The following TSPAN7 variants were observed in gnomAD, a reference collection of about 807,000 sequenced individuals.
TSPAN7 encodes tetraspanin-7.
In TSPAN7, 1 loss-of-function variant was observed where a neutral mutation model predicts 17.6. That is an observed-to-expected ratio of 0.06 (90% CI 0.02 to 0.27). The LOEUF (loss-of-function observed/expected upper bound fraction) is 0.27. Ranked by LOEUF, TSPAN7 falls within the 10% of genes least tolerant of loss-of-function variation. The pLI, the probability that TSPAN7 is intolerant of heterozygous loss-of-function variation, is 1.00. For missense variants in TSPAN7, 112 were observed against 201.7 expected (o/e 0.56, Z 2.69); for synonymous variants, 78 against 79.0 (o/e 0.99, Z 0.07).
chrX:38,573,162 A>G (rs142600943), intron 1 of TSPAN7, among the ~76,000 whole-genome samples: 32 of 111,920 alleles, frequency 2.9e-4, no homozygotes, highest in African/African-American at 8.7e-4. Flanking sequence ...TTTCTTGTAC[A>G]TGGGAGGTAC....
At chrX:38,687,713 C>A in intron 7 of TSPAN7, 39 bp downstream of exon 7, 1 of 1,121,434 alleles carries the variant, frequency 8.9e-7, no homozygotes, top group Non-Finnish European at 1.2e-6. Flanking sequence ...TGAGGGGTCC[C>A]CTTTGGGACA....
chrX:38,659,984 A>G (rs1453487259), intron 1 of TSPAN7, among the ~76,000 whole-genome samples: 1 of 107,696 alleles, frequency 9.3e-6, no homozygotes, highest in African/African-American at 3.4e-5. Flanking sequence ...GCACCACCAC[A>G]GCCGGCTAAT....
intron 1 of TSPAN7, among the ~76,000 whole-genome samples, chrX:38,635,900 C>T (rs1320406639): frequency 9.0e-6 from 1 of 111,248 alleles, no homozygotes; most frequent in East Asian, 2.8e-4. Flanking sequence ...GGCCATGGTT[C>T]TGAGTGGCCC....
chrX:38,628,465 C>T lies in TSPAN7; in HGVS notation c.82-37656C>T, dbSNP rs774710194. On this transcript the variant is annotated intron_variant, in intron 1 of 7. Coordinates refer to ENST00000378482, the MANE Select transcript of TSPAN7 (RefSeq NM_004615.4). The stretch of plus-strand genomic sequence containing the variant: ...TACTGAGCAGGGAAAGAGTCCTTAC[C>T]GGTGCATAGTGGGCAGAGTATAGTA... Among the ~76,000 whole-genome samples the T allele has an allele frequency of 2.0e-4, 22 of 111,621 alleles. No individual in the cohort carries two copies. In the East Asian group the frequency reaches 4.8e-3, roughly 24 times the overall value.
intron 2 of TSPAN7, among the ~76,000 whole-genome samples, chrX:38,666,913 A>G (rs1309070980): frequency 1.8e-5 from 2 of 111,900 alleles, no homozygotes; most frequent in African/African-American, 6.5e-5. Context: ...CCCTGTTTCA[A>G]TTTTGAACTA....
At chrX:38,642,641 A>C (rs990654928) in intron 1 of TSPAN7, among the ~76,000 whole-genome samples, 2 of 112,158 alleles carry the variant, frequency 1.8e-5, no homozygotes, top group African/African-American at 6.5e-5. Context: ...GCACATGTAA[A>C]TGATTAAGAT....
At chrX:38,562,525 C>G (rs1292895555) in intron 1 of TSPAN7, among the ~76,000 whole-genome samples, 1 of 93,049 alleles carries the variant, frequency 1.1e-5, no homozygotes, top group South Asian at 6.0e-4. Context: ...TGGTGCACCT[C>G]GCGGAGGGAT....
rs182984065 is a variant in TSPAN7, at chrX:38,612,446, G to A, written c.81+50819G>A. The A allele has an allele frequency of 4.9e-3, 547 of 111,790 alleles. 3 individuals carry two copies. The highest frequency in any genetic ancestry group is 8.9e-3 in the Non-Finnish European group (475 of 53,172). 9.2% of individuals were successfully genotyped at this position (111,790 alleles called of 1,213,427 possible). ...CCCCATCATTGTTTTCAGGTTTAAC[G>A]GCAGCAGGCATCTTGTGATGAAAGT... On this transcript the variant is annotated intron_variant, in intron 1 of 7. Transcript: ENST00000378482.
At chrX:38,654,919 C>A (rs2069693989) in intron 1 of TSPAN7, among the ~76,000 whole-genome samples, 1 of 111,698 alleles carries the variant, frequency 9.0e-6, no homozygotes, top group Non-Finnish European at 1.9e-5. Flanking sequence ...GGAGCAGAGA[C>A]CTGAAATGAG....
intron 1 of TSPAN7, among the ~76,000 whole-genome samples, chrX:38,619,480 G>A (rs766341172): frequency 2.7e-5 from 3 of 111,802 alleles, no homozygotes; most frequent in African/African-American, 9.8e-5. Flanking sequence ...TACAGGAAAG[G>A]CCTTTGCATT....
chrX:38,658,854 G>A (rs2069721539), intron 1 of TSPAN7, among the ~76,000 whole-genome samples: 1 of 111,135 alleles, frequency 9.0e-6, no homozygotes, highest in Non-Finnish European at 1.9e-5. Flanking sequence ...TGGACCAGAC[G>A]GTCTCTGGAT....
intron 1 of TSPAN7, among the ~76,000 whole-genome samples, chrX:38,634,104 C>G (rs2069566207): frequency 9.0e-6 from 1 of 111,724 alleles, no homozygotes. Context: ...CAGTCATTGT[C>G]ACTTTTAATT....
At chrX:38,617,451 GACA>G (rs2069461818) in intron 1 of TSPAN7, among the ~76,000 whole-genome samples, 1 of 112,615 alleles carries the variant, frequency 8.9e-6, no homozygotes. Context: ...GGCAAAACCA[GACA>G]ACGACAGAGT....
intron 6 of TSPAN7, among the ~76,000 whole-genome samples, chrX:38,684,773 C>T (rs1401242114): frequency 9.0e-6 from 1 of 110,528 alleles, no homozygotes; most frequent in Non-Finnish European, 1.9e-5. Context: ...TGAGTAAAGA[C>T]AGTAGAGCTG....
At position 38,566,420 on chromosome X, in the gene TSPAN7, A is replaced by T. The variant is rs1172998009; in HGVS notation, c.81+4793A>T. 3.1e-5 allele frequency: 22 copies of T among 711,917 alleles called. 1 individual carries two copies. The highest frequency in any genetic ancestry group is 4.6e-5 in the African/African-American group (2 of 43,917). The allele number at this position is 711,917 out of a possible 1,213,427, so 58.7% of individuals were successfully genotyped here. The stretch of plus-strand genomic sequence containing the variant: ...AGGCTTATAGTAGGTTTACTCACTA[A>T]ATACTTATTTCCTTAATGAATGAAT... On this transcript the variant is annotated intron_variant, in intron 1 of 7. Transcript: ENST00000378482.
chrX:38,606,018 A>G (rs1188962782), intron 1 of TSPAN7, among the ~76,000 whole-genome samples: 2 of 108,369 alleles, frequency 1.8e-5, no homozygotes, highest in Non-Finnish European at 3.8e-5. Flanking sequence ...CTTCATGTCT[A>G]AAACACCAAA....
intron 3 of TSPAN7, among the ~76,000 whole-genome samples, chrX:38,671,979 T>G (rs2069823875): frequency 9.0e-6 from 1 of 111,063 alleles, no homozygotes; most frequent in African/African-American, 3.3e-5. Context: ...GCTTGGGAGG[T>G]CGAGGCTGCA....
intron 1 of TSPAN7, among the ~76,000 whole-genome samples, chrX:38,656,360 C>G (rs1254773269): frequency 1.8e-5 from 2 of 111,494 alleles, no homozygotes; most frequent in African/African-American, 6.5e-5. Flanking sequence ...TAAAAAGTAT[C>G]TTATTAGTGT....
At chrX:38,656,119 C>G (rs181850464) in intron 1 of TSPAN7, 152 of 273,087 alleles carry the variant, frequency 5.6e-4, no homozygotes, top group African/African-American at 3.0e-3. Context: ...GATATTAGGA[C>G]AGAATATTTG....
Sources: allele counts gnomAD v4.1 joint callset (sites outside exome capture counted in the v4.1 genomes callset), GRCh38; gene constraint gnomAD v4.1.1; transcripts MANE v1.5; gene names NCBI Gene and HGNC (gene_info 2026-07-23, HGNC 2026-07-21).